CCDC102B: variants seen among roughly 807,000 people sequenced by gnomAD.
The protein encoded by CCDC102B is coiled-coil domain containing 102B.
In CCDC102B, 75 loss-of-function variants were observed where a neutral mutation model predicts 57.4. The ratio of observed to expected loss-of-function variants is 1.31; its 90% confidence interval spans 1.08 to 1.58. The LOEUF (loss-of-function observed/expected upper bound fraction) is 1.58. CCDC102B is among the 40% of genes most tolerant of loss of function. CCDC102B has a pLI of 0.00. For missense variants in CCDC102B, 636 were observed against 582.6 expected, an observed-to-expected ratio of 1.09 and a Z score of -0.94; for synonymous variants, 206 against 201.9, an observed-to-expected ratio of 1.02 and a Z score of -0.17.
At chr18:68,758,121 T>C (rs2034118240) in intron 2 of CCDC102B, among the ~76,000 whole-genome samples, 1 of 152,050 alleles carries the variant, frequency 6.6e-6, no homozygotes, top group South Asian at 2.1e-4. Context: ...TTCATTTTAT[T>C]TAAGGTATAC....
At chr18:69,056,240 G>T (rs976089599), downstream of CCDC102B, among the ~76,000 whole-genome samples, 5 of 152,128 alleles carry the variant, frequency 3.3e-5, no homozygotes, top group East Asian at 9.7e-4. Flanking sequence ...AAAGATATTT[G>T]CTTCAGTGAT....
In CCDC102B at chr18:68,904,610, A is replaced by G. The variant is rs116041617; in HGVS notation, c.1263+7182A>G. On this transcript the variant is annotated intron_variant, in intron 6 of 7. Coordinates refer to ENST00000360242, the MANE Select transcript of CCDC102B (RefSeq NM_024781.3). ...GTACTGAAAGTTCCCTACTGGTTTGAAACAATCAATAAATTGCAAAAGTAG... is the reference window on the plus strand; with the variant it reads ...GTACTGAAAGTTCCCTACTGGTTTGGAACAATCAATAAATTGCAAAAGTAG... 9.4e-3 allele frequency among the ~76,000 whole-genome samples: 1,431 copies of G among 152,278 alleles called. 24 individuals are homozygous for G. Among genetic ancestry groups the G allele is most frequent in the African/African-American group, 0.032 (1,348 of 41,544 alleles).
chr18:68,975,077 GA>G (rs1451772005), intron 6 of CCDC102B, among the ~76,000 whole-genome samples: 16 of 151,920 alleles, frequency 1.1e-4, no homozygotes, highest in Admixed American at 3.9e-4. Context: ...CAAATAGATG[GA>G]ATGTAAAACC....
chr18:68,835,074 A>G (rs1026583174), intron 1 of CCDC102B, among the ~76,000 whole-genome samples: 8 of 152,124 alleles, frequency 5.3e-5, no homozygotes, highest in Non-Finnish European at 1.0e-4. Context: ...TAAGCTGCAT[A>G]TTTTCAGCAC....
chr18:69,038,854 A>G (rs2052360413), intron 7 of CCDC102B, among the ~76,000 whole-genome samples: 1 of 152,050 alleles, frequency 6.6e-6, no homozygotes, highest in South Asian at 2.1e-4. Context: ...TGGAAAATAG[A>G]GTCAATTATT....
At chr18:68,801,907 A>C (rs990024925) in intron 1 of CCDC102B, among the ~76,000 whole-genome samples, 2 of 152,180 alleles carry the variant, frequency 1.3e-5, no homozygotes, top group African/African-American at 4.8e-5. Context: ...AAGATCAAAT[A>C]GTCTTATTAG....
intron 2 of CCDC102B, 80 bp downstream of exon 2, chr18:68,837,449 C>A: frequency 7.3e-7 from 1 of 1,367,654 alleles, no homozygotes; most frequent in Non-Finnish European, 1.0e-6. Context: ...GTGACAAATG[C>A]AATGGTGATT....
chr18:68,903,140 A>C (rs1481321257), intron 6 of CCDC102B, among the ~76,000 whole-genome samples: 4 of 152,244 alleles, frequency 2.6e-5, no homozygotes, highest in Non-Finnish European at 5.9e-5. Context: ...TCTAATTGAC[A>C]TAATTGAGAG....
chr18:69,040,520 C>T (rs1423217547), intron 7 of CCDC102B, among the ~76,000 whole-genome samples: 1 of 151,374 alleles, frequency 6.6e-6, no homozygotes, highest in Admixed American at 6.6e-5. Context: ...TAGTCAATAA[C>T]AAGATCAAGC....
intron 7 of CCDC102B, among the ~76,000 whole-genome samples, chr18:69,039,372 A>G (rs1259430376): frequency 2.0e-5 from 3 of 151,952 alleles, no homozygotes; most frequent in Admixed American, 2.0e-4. Flanking sequence ...CAGATATACC[A>G]ATATTGTTGT....
At chr18:68,966,296 C>T (rs1040701532) in intron 6 of CCDC102B, among the ~76,000 whole-genome samples, 1 of 152,032 alleles carries the variant, frequency 6.6e-6, no homozygotes, top group African/African-American at 2.4e-5. Context: ...CTGATGACTG[C>T]CTTATCTCCC....
At chr18:68,946,169 A>G (rs2049532898) in intron 6 of CCDC102B, among the ~76,000 whole-genome samples, 1 of 152,094 alleles carries the variant, frequency 6.6e-6, no homozygotes, top group African/African-American at 2.4e-5. Flanking sequence ...CAAAACTACT[A>G]TTAATCTAGT....
rs149054212 is a variant in CCDC102B, at chr18:69,006,915, A to T, written c.1264-4019A>T. ...TGTTTTGGTAAAATGAAAGTGTAGGATTAATTTTAGTTAGGTTGGCCATGA... is the reference window on the plus strand; with the variant it reads ...TGTTTTGGTAAAATGAAAGTGTAGGTTTAATTTTAGTTAGGTTGGCCATGA... On this transcript the variant is annotated intron_variant, in intron 6 of 7. Coordinates refer to ENST00000360242, the MANE Select transcript of CCDC102B (RefSeq NM_024781.3). Among the ~76,000 whole-genome samples, 699 of 152,258 alleles carry T rather than the reference A, an allele frequency of 4.6e-3. 12 individuals carry two copies. The highest frequency in any genetic ancestry group is 0.015 in the African/African-American group (640 of 41,542).
At chr18:68,903,973 A>C (rs1348261311) in intron 6 of CCDC102B, among the ~76,000 whole-genome samples, 2 of 152,218 alleles carry the variant, frequency 1.3e-5, no homozygotes, top group Admixed American at 1.3e-4. Flanking sequence ...TTGGCTTCAA[A>C]AATAGTTTAT....
chr18:68,828,071 C>T (rs2036977308), intron 1 of CCDC102B, among the ~76,000 whole-genome samples: 1 of 151,456 alleles, frequency 6.6e-6, no homozygotes, highest in Non-Finnish European at 1.5e-5. Flanking sequence ...CTTCCAAACA[C>T]ATGAAGCAAA....
intron 7 of CCDC102B, among the ~76,000 whole-genome samples, chr18:69,024,683 T>G (rs1036038777): frequency 6.6e-6 from 1 of 152,026 alleles, no homozygotes; most frequent in Non-Finnish European, 1.5e-5. Flanking sequence ...GATGAATAAA[T>G]GTGCCTGAAT....
chr18:68,765,398 A>C, intron 2 of CCDC102B, among the ~76,000 whole-genome samples: 1 of 149,824 alleles, frequency 6.7e-6, no homozygotes, highest in Admixed American at 6.6e-5. Flanking sequence ...AAGAAAAGAA[A>C]GGAAGGAAGG....
chr18:68,874,142 A>G (rs1292280272), intron 4 of CCDC102B, among the ~76,000 whole-genome samples: 1 of 148,356 alleles, frequency 6.7e-6, no homozygotes, highest in Non-Finnish European at 1.5e-5. Context: ...TTCTTCATAT[A>G]TTTTATCAGC....
At chr18:68,913,409 G>A (rs1448467478) in intron 6 of CCDC102B, among the ~76,000 whole-genome samples, 1 of 150,754 alleles carries the variant, frequency 6.6e-6, no homozygotes, top group African/African-American at 2.4e-5. Context: ...CACTTTGGGA[G>A]GCTGAGGTGG....
Sources: gnomAD v4.1 joint callset for allele counts (sites outside exome capture counted in the v4.1 genomes callset) on GRCh38, gnomAD v4.1.1 for gene constraint, MANE v1.5 for transcripts, NCBI Gene and HGNC (gene_info 2026-07-23, HGNC 2026-07-21) for gene names.